Variants in NFIB observed in about 807,000 individuals in gnomAD.
NFIB encodes nuclear factor I B, also known as nuclear factor 1 B-type.
In NFIB, 11 loss-of-function variants were observed where a neutral mutation model predicts 61.5. The observed-to-expected ratio is 0.18, with a 90% CI of 0.11 to 0.30. The LOEUF is 0.30. Among genes scored for constraint, NFIB ranks in the 10% least tolerant of loss-of-function variants. The pLI, the probability that NFIB is intolerant of heterozygous loss-of-function variation, is 1.00. For missense variants in NFIB, 471 were observed against 608.9 expected (o/e 0.77, Z 2.38); for synonymous variants, 260 against 216.5 (o/e 1.20, Z -1.76).
intron 5 of NFIB, 98 bp from the exon 6 acceptor site, chr9:14,146,905 T>TCA: frequency 6.7e-7 from 1 of 1,487,184 alleles, no homozygotes; most frequent in Admixed American, 2.2e-5. Context: ...GTGAAAATTT[T>TCA]CATAAGCACA....
At chr9:14,272,226 T>C (rs1003116049) in intron 2 of NFIB, among the ~76,000 whole-genome samples, 1 of 152,198 alleles carries the variant, frequency 6.6e-6, no homozygotes, top group Non-Finnish European at 1.5e-5. Context: ...CTTGCAACTA[T>C]AGCATACATG....
At chr9:14,323,831 T>G (rs2060718392) in intron 1 of NFIB, among the ~76,000 whole-genome samples, 2 of 152,262 alleles carry the variant, frequency 1.3e-5, no homozygotes, top group Non-Finnish European at 2.9e-5. Context: ...AAAAAAAAGT[T>G]TTTTCCCCTT....
chr9:14,468,872 G>T, the NFIB span, among the ~76,000 whole-genome samples: 1 of 152,144 alleles, frequency 6.6e-6, no homozygotes, highest in Non-Finnish European at 1.5e-5. Flanking sequence ...CAGGTAGAAA[G>T]GTACAGAAGA....
intron 2 of NFIB, among the ~76,000 whole-genome samples, chr9:14,186,993 C>T (rs944904929): frequency 7.3e-5 from 11 of 150,578 alleles, no homozygotes; most frequent in Non-Finnish European, 1.0e-4. Context: ...CTCCCTCCTT[C>T]ATTCTTCGCT....
chr9:14,381,866 T>C (rs2061492683), intron 1 of NFIB, among the ~76,000 whole-genome samples: 1 of 152,368 alleles, frequency 6.6e-6, no homozygotes, highest in South Asian at 2.1e-4. Context: ...GTTGAATGAA[T>C]GAATAAGGGT....
chr9:14,505,103 G>A, the NFIB span, among the ~76,000 whole-genome samples: 6 of 152,064 alleles, frequency 3.9e-5, no homozygotes, highest in African/African-American at 7.2e-5. Flanking sequence ...TGATTTTTGC[G>A]TTTAATTCTC....
intron 3 of NFIB, among the ~76,000 whole-genome samples, chr9:14,170,293 G>A (rs555327626): frequency 9.9e-5 from 15 of 152,196 alleles, no homozygotes; most frequent in Non-Finnish European, 1.8e-4. Context: ...TTGTAAATAT[G>A]GAGAGGGAAA....
upstream of NFIB, among the ~76,000 whole-genome samples, chr9:14,402,099 G>A (rs775745787): frequency 1.4e-4 from 22 of 152,152 alleles, no homozygotes; most frequent in Non-Finnish European, 2.6e-4. Context: ...AGAAGGGGGA[G>A]AAAGCCTGAA....
chr9:14,360,407 T>G (rs1256022040), intron 1 of NFIB, among the ~76,000 whole-genome samples: 1 of 152,216 alleles, frequency 6.6e-6, no homozygotes, highest in East Asian at 1.9e-4. Context: ...CTAAACAGAA[T>G]TTGGTTAATG....
At chr9:14,141,717 G>C (rs769718470) in intron 6 of NFIB, among the ~76,000 whole-genome samples, 1 of 151,782 alleles carries the variant, frequency 6.6e-6, no homozygotes, top group East Asian at 1.9e-4. Context: ...ACATTTTACT[G>C]CATAAAGTCT....
intron 1 of NFIB, chr9:14,357,120 A>C (rs1203405221): frequency 6.6e-6 from 1 of 152,236 alleles, no homozygotes; most frequent in Non-Finnish European, 1.5e-5. Context: ...GTTGCTGTAT[A>C]AATTAATATA....
chr9:14,453,712 T>C, the NFIB span, among the ~76,000 whole-genome samples: 1 of 152,212 alleles, frequency 6.6e-6, no homozygotes, highest in Non-Finnish European at 1.5e-5. Flanking sequence ...CCGTTTGAAA[T>C]GGTGACATTA....
intron 2 of NFIB, among the ~76,000 whole-genome samples, chr9:14,227,594 G>A (rs1337326210): frequency 1.3e-5 from 2 of 152,110 alleles, no homozygotes; most frequent in East Asian, 3.8e-4. Context: ...CAACGGTACT[G>A]TAATCATGGT....
At chr9:14,223,270 C>T (rs750987188) in intron 2 of NFIB, among the ~76,000 whole-genome samples, 4 of 152,300 alleles carry the variant, frequency 2.6e-5, no homozygotes, top group Non-Finnish European at 4.4e-5. Flanking sequence ...CAGGGGCACA[C>T]TTATGATTCC....
the NFIB span, among the ~76,000 whole-genome samples, chr9:14,404,474 A>G: frequency 6.6e-6 from 1 of 152,180 alleles, no homozygotes; most frequent in East Asian, 1.9e-4. Context: ...ACTTGTTCAA[A>G]ATACTCTTTC....
At chr9:14,237,417 A>G (rs538117483) in intron 2 of NFIB, among the ~76,000 whole-genome samples, 1 of 152,352 alleles carries the variant, frequency 6.6e-6, no homozygotes. Flanking sequence ...GCCGAAGGCC[A>G]GCACACACAG....
chr9:14,518,145 C>T, the NFIB span, among the ~76,000 whole-genome samples: 1 of 152,140 alleles, frequency 6.6e-6, no homozygotes, highest in Non-Finnish European at 1.5e-5. Flanking sequence ...GGTCTATATG[C>T]CATTGGAAAT....
At chr9:14,418,157 A>G in the NFIB span, among the ~76,000 whole-genome samples, 1 of 152,170 alleles carries the variant, frequency 6.6e-6, no homozygotes, top group South Asian at 2.1e-4. Context: ...TGTAAATGTA[A>G]TATAATCTAT....
chr9:14,407,076 C>T, the NFIB span, among the ~76,000 whole-genome samples: 9 of 152,264 alleles, frequency 5.9e-5, no homozygotes, highest in African/African-American at 2.2e-4. Flanking sequence ...ACCCTGTGAG[C>T]TCCCAAATGA....
Sources: allele counts gnomAD v4.1 joint callset (sites outside exome capture counted in the v4.1 genomes callset), GRCh38; gene constraint gnomAD v4.1.1; transcripts MANE v1.5; gene names NCBI Gene and HGNC (gene_info 2026-07-23, HGNC 2026-07-21).